The following KDM5B variants were observed in gnomAD, a reference collection of about 807,000 sequenced individuals.
KDM5B encodes lysine demethylase 5B, also known as lysine-specific demethylase 5B.
In KDM5B, 144 loss-of-function variants were observed where a neutral mutation model predicts 193.4. That is an observed-to-expected ratio of 0.74 (90% CI 0.65 to 0.86). The LOEUF is 0.86. KDM5B is among the 40% of genes least tolerant of loss of function. The probability of loss-of-function intolerance (pLI) is 0.00; values close to 1 mark genes in which losing one functional copy is unlikely to be tolerated. For synonymous variants in KDM5B, 668 were observed against 682.6 expected (o/e 0.98, Z 0.33); for missense variants, 1,833 against 1,886.9 (o/e 0.97, Z 0.53).
chr1:202,755,670 T>G (rs1053560363), intron 10 of KDM5B, among the ~76,000 whole-genome samples: 1 of 152,124 alleles, frequency 6.6e-6, no homozygotes, highest in Non-Finnish European at 1.5e-5. Context: ...TCTGTCTCTT[T>G]TTAAATATAT....
rs141812947 is a variant in KDM5B, at chr1:202,733,797, G to C, written c.3513C>G (p.Leu1171=). Residue 1171 remains leucine, a synonymous_variant, in exon 23 of 27, where the codon CTC becomes CTG. Coordinates refer to ENST00000367265, the MANE Select transcript of KDM5B (RefSeq NM_006618.5). The part of the protein sequence containing the change: ...LANEGKLLSP[L]QDVDIKICLC... ...GGCAGATTTTTATATCCACATCTTG[G>C]AGAGGCGACAGCAATTTCCCTTCAT... is the stretch of plus-strand genomic sequence containing the variant. The C allele has an allele frequency of 9.3e-6, 15 of 1,613,990 alleles. No individual in the cohort carries two copies. In the African/African-American group the frequency reaches 1.6e-4, roughly 17 times the overall value.
chr1:202,756,165 G>A (rs1656002719), intron 10 of KDM5B, among the ~76,000 whole-genome samples, 193 bp downstream of exon 10: 1 of 152,182 alleles, frequency 6.6e-6, no homozygotes, highest in Non-Finnish European at 1.5e-5. Context: ...AGGATGATAA[G>A]TAATTTTCCC....
At chr1:202,754,952 TG>T (rs1655948711) in intron 11 of KDM5B, among the ~76,000 whole-genome samples, 1 of 152,250 alleles carries the variant, frequency 6.6e-6, no homozygotes, top group Non-Finnish European at 1.5e-5. Flanking sequence ...CCCAAACTGC[TG>T]GGATTACAGG....
At chr1:202,801,868 C>A (rs542914128) in intron 1 of KDM5B, among the ~76,000 whole-genome samples, 1 of 152,232 alleles carries the variant, frequency 6.6e-6, no homozygotes, top group Admixed American at 6.5e-5. Context: ...ACTCACCCAC[C>A]CACTCACCCC....
intron 8 of KDM5B, among the ~76,000 whole-genome samples, chr1:202,759,532 T>A (rs6680991): frequency 6.8e-6 from 1 of 146,406 alleles, no homozygotes. Flanking sequence ...GCCTGGGTGA[T>A]AGAGTGAGAT....
intron 16 of KDM5B, 75 bp from the exon 17 acceptor site, chr1:202,742,880 C>T: frequency 8.0e-7 from 1 of 1,250,514 alleles, no homozygotes; most frequent in South Asian, 1.4e-5. Flanking sequence ...TCAGAGGAGA[C>T]TGGTTTTGTC....
intron 4 of KDM5B, 23 bp from the exon 5 acceptor site, chr1:202,767,083 T>C (rs1393042990): frequency 1.2e-6 from 2 of 1,607,028 alleles, no homozygotes; most frequent in Non-Finnish European, 1.7e-6. Context: ...ACTGTACTGA[T>C]AAATTCCCTC....
chr1:202,724,791 C>A lies in KDM5B; in HGVS notation c.*4245G>T, dbSNP rs761181615. 6.6e-6 allele frequency: 1 copy of A among 152,004 alleles called. No homozygotes were observed. Among genetic ancestry groups the A allele is most frequent in the Non-Finnish European group, 1.5e-5 (1 of 68,016 alleles). 9.4% of individuals were successfully genotyped at this position (152,004 alleles called of 1,614,324 possible). On this transcript the variant is annotated 3_prime_UTR_variant, in exon 27 of 27. Coordinates refer to ENST00000367265, the MANE Select transcript of KDM5B (RefSeq NM_006618.5). ...ACAGCAGAATCACAGTCAGTGAGAACGTATTGGCAAGGGCAGAAAGGAAGC... is the reference window on the plus strand; with the variant it reads ...ACAGCAGAATCACAGTCAGTGAGAAAGTATTGGCAAGGGCAGAAAGGAAGC...
intron 3 of KDM5B, among the ~76,000 whole-genome samples, chr1:202,773,739 T>C (rs984000722): frequency 4.5e-3 from 1 of 220 alleles, no homozygotes; most frequent in African/African-American, 7.6e-3. Flanking sequence ...CTCAGCTTCT[T>C]TTTTTTTTTT....
At chr1:202,738,057 A>G (rs1256036272) in intron 20 of KDM5B, among the ~76,000 whole-genome samples, 3 of 152,234 alleles carry the variant, frequency 2.0e-5, no homozygotes, top group Admixed American at 2.0e-4. Context: ...AGAATACTGC[A>G]TAACATTTAA....
At chr1:202,782,743 T>C (rs184620633) in intron 1 of KDM5B, among the ~76,000 whole-genome samples, 6 of 152,292 alleles carry the variant, frequency 3.9e-5, no homozygotes, top group Admixed American at 6.5e-5. Flanking sequence ...ATAAAACTGA[T>C]CATAAATCAC....
Position 202,728,943 on chromosome 1 carries a change from G to T in KDM5B, c.*93C>A. ...TAGCACCGTTTACAGGCTGGCTTGA[G>T]TACCAGTCCTGTAGCTTTGCTGAGA... On this transcript the variant is annotated 3_prime_UTR_variant, in exon 27 of 27. Coordinates refer to ENST00000367265, the MANE Select transcript of KDM5B (RefSeq NM_006618.5). 6.9e-7 allele frequency: 1 copy of T among 1,448,308 alleles called. No individual in the cohort carries two copies. The highest frequency in any genetic ancestry group is 9.6e-7 in the Non-Finnish European group (1 of 1,037,238). The allele number at this position is 1,448,308 out of a possible 1,614,324, so 89.7% of individuals were successfully genotyped here.
Position 202,742,747 on chromosome 1 carries a change from A to G in KDM5B, c.2382T>C (p.Asn794=). 2 of 1,614,170 alleles carry G rather than the reference A, an allele frequency of 1.2e-6. No homozygotes were observed. The highest frequency in any genetic ancestry group is 1.1e-5 in the South Asian group (1 of 91,082). Residue 794 remains asparagine (N), a synonymous_variant, in exon 17 of 27, where the codon AAT becomes AAC. Coordinates refer to ENST00000367265, the MANE Select transcript of KDM5B (RefSeq NM_006618.5). ...EESEMKKFPD[N]DLLRHLRLVT... Reference sequence around the variant, plus strand: ...CTAGGCGAAGGTGTCGCAAAAGATCATTGTCTGGGAATTTCTTCATTTCAG... The same window carrying G: ...CTAGGCGAAGGTGTCGCAAAAGATCGTTGTCTGGGAATTTCTTCATTTCAG...
At chr1:202,764,199 A>G (rs1656357971) in intron 5 of KDM5B, 54 bp from the exon 6 acceptor site, 1 of 993,900 alleles carries the variant, frequency 1.0e-6, no homozygotes, top group African/African-American at 1.6e-5. Context: ...AATAATCTTT[A>G]AAAATCCAAC....
At chr1:202,757,307 T>A (rs114830586) in intron 9 of KDM5B, among the ~76,000 whole-genome samples, 1,635 of 152,226 alleles carry the variant, frequency 0.011, 33 homozygotes, top group African/African-American at 0.038. Flanking sequence ...ATGGCCAGGT[T>A]GGGAAAGGGT....
intron 1 of KDM5B, chr1:202,796,665 G>T (rs1051693051): frequency 2.5e-5 from 4 of 162,328 alleles, no homozygotes; most frequent in East Asian, 1.5e-4. Context: ...TGGCTGTGCC[G>T]GGGCCCCACT....
intron 23 of KDM5B, among the ~76,000 whole-genome samples, chr1:202,732,413 TAA>T (rs1654919995): frequency 6.6e-6 from 1 of 152,214 alleles, no homozygotes; most frequent in Non-Finnish European, 1.5e-5. Context: ...TGAATTAATA[TAA>T]GAGTTGTGTC....
chr1:202,781,197 G>A (rs1350719972), intron 1 of KDM5B, among the ~76,000 whole-genome samples: 2 of 152,150 alleles, frequency 1.3e-5, no homozygotes, highest in Non-Finnish European at 2.9e-5. Context: ...TACTCAGGAG[G>A]CTAAGGCAGG....
In KDM5B at chr1:202,754,775, C is replaced by A. The variant is rs367602134; in HGVS notation, c.1538+496G>T. On this transcript the variant is annotated intron_variant, in intron 11 of 26. Transcript: ENST00000367265. Reference sequence around the variant, plus strand: ...TCTTGGCTCACTGCAACCTCTGCCTCCCAGGATCAAGTGATTCTCCTCCCT... The same window carrying A: ...TCTTGGCTCACTGCAACCTCTGCCTACCAGGATCAAGTGATTCTCCTCCCT... Among the ~76,000 whole-genome samples, 24 of 152,326 alleles carry A rather than the reference C, an allele frequency of 1.6e-4. 1 individual carries two copies. The highest frequency in any genetic ancestry group is 5.5e-4 in the African/African-American group (23 of 41,564).
Sources: allele counts gnomAD v4.1 joint callset (sites outside exome capture counted in the v4.1 genomes callset), GRCh38; gene constraint gnomAD v4.1.1; transcripts MANE v1.5; gene names NCBI Gene and HGNC (gene_info 2026-07-23, HGNC 2026-07-21).